Variants in ARHGAP18 observed in about 807,000 individuals in gnomAD.
ARHGAP18 encodes rho GTPase-activating protein 18.
Under a neutral mutation model 86.2 loss-of-function variants are expected in ARHGAP18, and 67 were observed. The observed-to-expected ratio is 0.78, with a 90% CI of 0.64 to 0.95. ARHGAP18 has a LOEUF of 0.95. ARHGAP18 is among the 40% of genes least tolerant of loss of function. The pLI, the probability that ARHGAP18 is intolerant of heterozygous loss-of-function variation, is 0.00. For synonymous variants in ARHGAP18, 283 were observed against 280.4 expected (o/e 1.01, Z -0.09); for missense variants, 691 against 780.4 (o/e 0.89, Z 1.37).
In ARHGAP18 at chr6:129,710,009, C is replaced by G. The variant is rs1471382754; in HGVS notation, c.113+15G>C. 6.2e-7 allele frequency: 1 copy of G among 1,605,104 alleles called. No homozygotes were observed. The highest frequency in any genetic ancestry group is 1.3e-5 in the African/African-American group (1 of 74,792). On this transcript the variant is annotated intron_variant, in intron 1 of 14. Transcript: ENST00000368149. ...TAAGAGGGTTTTGTTTTGTTTTCAG[C>G]TTCCGAAGGCTTACCTCGAGGTGGC...
chr6:129,676,982 C>T (rs1178527286), intron 1 of ARHGAP18, among the ~76,000 whole-genome samples: 1 of 129,780 alleles, frequency 7.7e-6, no homozygotes, highest in African/African-American at 3.0e-5. Flanking sequence ...GGGACAGTAA[C>T]ACCGCTGAAT....
At chr6:129,604,924 T>C (rs921669702) in intron 10 of ARHGAP18, among the ~76,000 whole-genome samples, 3 of 152,112 alleles carry the variant, frequency 2.0e-5, no homozygotes, top group Admixed American at 6.6e-5. Context: ...CTATCACTCA[T>C]GCAGTTACAA....
intron 1 of ARHGAP18, among the ~76,000 whole-genome samples, chr6:129,695,169 T>A (rs1187149438): frequency 6.6e-6 from 1 of 152,218 alleles, no homozygotes; most frequent in Non-Finnish European, 1.5e-5. Flanking sequence ...AAATTTGGAA[T>A]ATGCTACTTG....
intron 12 of ARHGAP18, among the ~76,000 whole-genome samples, chr6:129,592,923 G>A (rs56142498): frequency 0.2 from 30,080 of 152,024 alleles, 5,663 homozygotes; most frequent in African/African-American, 0.47. Flanking sequence ...AAATGTGTTC[G>A]ATTGTTGATG....
chr6:129,603,185 T>C (rs1788783768), intron 10 of ARHGAP18, among the ~76,000 whole-genome samples: 1 of 152,100 alleles, frequency 6.6e-6, no homozygotes, highest in Admixed American at 6.5e-5. Flanking sequence ...CAGTGTATCA[T>C]TCTTATGCCT....
chr6:129,703,799 A>C (rs1369548145), intron 1 of ARHGAP18, among the ~76,000 whole-genome samples: 1 of 152,258 alleles, frequency 6.6e-6, no homozygotes, highest in Non-Finnish European at 1.5e-5. Flanking sequence ...TGAAGAAGAG[A>C]TTGATCTGGA....
chr6:129,588,318 A>G (rs752609823), intron 12 of ARHGAP18, among the ~76,000 whole-genome samples: 12 of 152,146 alleles, frequency 7.9e-5, no homozygotes, highest in Admixed American at 1.3e-4. Flanking sequence ...GGGTTTCACC[A>G]TGTTGGCTGC....
At chr6:129,638,724 T>C in intron 2 of ARHGAP18, 95 bp from the exon 3 acceptor site, 2 of 1,142,566 alleles carry the variant, frequency 1.8e-6, no homozygotes, top group Non-Finnish European at 2.5e-6. Context: ...ACTCTTCTAT[T>C]GTAACCAAAC....
rs562957911 is a variant in ARHGAP18, at chr6:129,663,747, C to T, written c.114-21729G>A. ...CTCTGTGAACTTTGACAGTCCAACC[C>T]ACTAATCTTTTGGCTAAAGAACAAT... is the stretch of plus-strand genomic sequence containing the variant. On this transcript the variant is annotated intron_variant, in intron 1 of 14. Transcript: ENST00000368149. Among the ~76,000 whole-genome samples, 7 of 152,318 alleles carry T rather than the reference C, an allele frequency of 4.6e-5. No individual in the cohort carries two copies. The South Asian group carries it at 1.2e-3, about 27-fold the overall frequency.
At chr6:129,686,978 CTTTTTTTTTTT>C (rs71028176) in intron 1 of ARHGAP18, among the ~76,000 whole-genome samples, 168 of 106,962 alleles carry the variant, frequency 1.6e-3, no homozygotes, top group Admixed American at 5.3e-3. Flanking sequence ...TTTTTTTTTT[CTTTTTTTTTTT>C]TTTTTTTGTA....
At chr6:129,583,620 C>T (rs1788331649) in intron 13 of ARHGAP18, among the ~76,000 whole-genome samples, 1 of 152,110 alleles carries the variant, frequency 6.6e-6, no homozygotes, top group South Asian at 2.1e-4. Context: ...GCCACTGCAT[C>T]CTAATTAGTA....
chr6:129,708,271 G>T (rs1021312767), intron 1 of ARHGAP18, among the ~76,000 whole-genome samples: 1 of 152,126 alleles, frequency 6.6e-6, no homozygotes, highest in African/African-American at 2.4e-5. Context: ...GTCTGGTATG[G>T]GCAGGCTACG....
chr6:129,626,075 C>CACACACACACAT (rs1427744629), intron 5 of ARHGAP18, among the ~76,000 whole-genome samples: 15 of 118,128 alleles, frequency 1.3e-4, no homozygotes, highest in African/African-American at 4.3e-4. Flanking sequence ...TACACACACA[C>CACACACACACAT]ACACACACAC....
Position 129,629,378 on chromosome 6 carries a change from C to G in ARHGAP18, c.761G>C (p.Ser254Thr). The change falls in exon 5 of 15, where the codon AGC becomes ACC. Residue 254 changes from serine to threonine, a missense_variant. Ser to Thr is a moderately conservative substitution (Grantham distance 58). Transcript: ENST00000368149. ...AGGTAATGTGGCATCATCGCCTTTGCTCTTCTGGATTTTCTCCTTGGAGCT... is the reference window on the plus strand; with the variant it reads ...AGGTAATGTGGCATCATCGCCTTTGGTCTTCTGGATTTTCTCCTTGGAGCT... ...KESSKEKIQK[S>T]KGDDATLPSF... 2 of 1,613,604 alleles carry G rather than the reference C, an allele frequency of 1.2e-6. No individual in the cohort carries two copies. The highest frequency in any genetic ancestry group is 1.7e-6 in the Non-Finnish European group (2 of 1,179,902).
At chr6:129,619,597 A>AGG (rs1190216634) in intron 5 of ARHGAP18, among the ~76,000 whole-genome samples, 1 of 100,374 alleles carries the variant, frequency 1.0e-5, no homozygotes, top group Non-Finnish European at 2.0e-5. Flanking sequence ...GGAGCAGGGA[A>AGG]GGGGAGAGGG....
At chr6:129,700,859 C>T (rs944332890) in intron 1 of ARHGAP18, among the ~76,000 whole-genome samples, 1 of 152,136 alleles carries the variant, frequency 6.6e-6, no homozygotes, top group Non-Finnish European at 1.5e-5. Context: ...TCAACCCAGG[C>T]AATCTAGCTC....
chr6:129,669,870 T>A (rs1450785940), intron 1 of ARHGAP18, among the ~76,000 whole-genome samples: 1 of 152,204 alleles, frequency 6.6e-6, no homozygotes, highest in Non-Finnish European at 1.5e-5. Context: ...AATGGTTTTA[T>A]AGGCAATTTA....
At chr6:129,627,198 T>A (rs940187497) in intron 5 of ARHGAP18, among the ~76,000 whole-genome samples, 6 of 152,066 alleles carry the variant, frequency 3.9e-5, no homozygotes, top group African/African-American at 1.4e-4. Context: ...TGGTCACAGG[T>A]GAAAACTGTT....
chr6:129,578,142 A>G lies in ARHGAP18; in HGVS notation c.*371T>C, dbSNP rs577666040. 2 of 152,386 alleles carry G rather than the reference A, an allele frequency of 1.3e-5. No individual in the cohort carries two copies. The highest frequency in any genetic ancestry group is 1.3e-4 in the Admixed American group (2 of 15,284). The allele number at this position is 152,386 out of a possible 1,614,324, so 9.4% of individuals were successfully genotyped here. ...TAGATGTGAGGAGGTAATAGAGGTG[A>G]GAGAGCATATATTACAGTATATATG... On this transcript the variant is annotated 3_prime_UTR_variant, in exon 15 of 15. Transcript: ENST00000368149.
Sources: gnomAD v4.1 joint callset for allele counts (sites outside exome capture counted in the v4.1 genomes callset) on GRCh38, gnomAD v4.1.1 for gene constraint, MANE v1.5 for transcripts, NCBI Gene and HGNC (gene_info 2026-07-23, HGNC 2026-07-21) for gene names.